Variants in DNAAF11 observed in about 807,000 individuals in gnomAD.
DNAAF11 encodes the protein leucine rich repeat containing 6.
A neutral mutation model predicts 60.8 loss-of-function variants in DNAAF11; 45 were observed. The observed-to-expected ratio is 0.74, with a 90% CI of 0.58 to 0.95. The LOEUF (loss-of-function observed/expected upper bound fraction) is 0.95. Ranked by LOEUF, DNAAF11 falls within the 40% of genes least tolerant of loss-of-function variation. DNAAF11 has a pLI of 0.00. For synonymous variants in DNAAF11, 191 were observed against 183.5 expected, an observed-to-expected ratio of 1.04 and a Z score of -0.33; for missense variants, 546 against 546.2, an observed-to-expected ratio of 1.00 and a Z score of 0.00.
At chr8:132,691,475 A>T in the DNAAF11 span, among the ~76,000 whole-genome samples, 1 of 152,236 alleles carries the variant, frequency 6.6e-6, no homozygotes, top group African/African-American at 2.4e-5. Context: ...TCATTGGAGA[A>T]TGGTATTGGA....
chr8:132,683,115 C>G, the DNAAF11 span, among the ~76,000 whole-genome samples: 6 of 152,164 alleles, frequency 3.9e-5, no homozygotes, highest in African/African-American at 1.4e-4. Context: ...GGTATTTGAG[C>G]TTTGATTTAG....
intron 8 of DNAAF11, among the ~76,000 whole-genome samples, chr8:132,611,737 C>T (rs1044792480): frequency 2.6e-5 from 4 of 152,242 alleles, no homozygotes; most frequent in Non-Finnish European, 4.4e-5. Context: ...CCTGCAACCA[C>T]CAGCTCCTGC....
At chr8:132,639,105 A>G (rs1485560609) in intron 3 of DNAAF11, among the ~76,000 whole-genome samples, 2 of 152,366 alleles carry the variant, frequency 1.3e-5, no homozygotes, top group Admixed American at 1.3e-4. Context: ...CTATGATTAG[A>G]ATAGCTCAAT....
At chr8:132,699,989 T>TA in the DNAAF11 span, among the ~76,000 whole-genome samples, 1 of 152,148 alleles carries the variant, frequency 6.6e-6, no homozygotes, top group Non-Finnish European at 1.5e-5. Context: ...CTCTTCAGGT[T>TA]ACAAAAATGT....
At chr8:132,681,097 A>G in the DNAAF11 span, among the ~76,000 whole-genome samples, 1 of 132,676 alleles carries the variant, frequency 7.5e-6, no homozygotes, top group South Asian at 2.4e-4. Context: ...TGGAACCTCC[A>G]CTTTCTGGGT....
At chr8:132,669,469 A>G (rs556850842) in intron 1 of DNAAF11, among the ~76,000 whole-genome samples, 1 of 152,348 alleles carries the variant, frequency 6.6e-6, no homozygotes, top group Non-Finnish European at 1.5e-5. Flanking sequence ...CAGGTGTTAG[A>G]GAAATGTGAG....
At chr8:132,679,929 A>G (rs1263796040), upstream of DNAAF11, among the ~76,000 whole-genome samples, 1 of 152,182 alleles carries the variant, frequency 6.6e-6, no homozygotes, top group Non-Finnish European at 1.5e-5. Context: ...GCAGCATGAA[A>G]ACAGAATAAT....
upstream of DNAAF11, among the ~76,000 whole-genome samples, chr8:132,678,967 C>T (rs1310247007): frequency 1.3e-5 from 2 of 152,056 alleles, no homozygotes; most frequent in African/African-American, 4.8e-5. Context: ...GGCTGTCATT[C>T]TACTGGAGAA....
intron 2 of DNAAF11, among the ~76,000 whole-genome samples, chr8:132,658,608 A>AC (rs532455359): frequency 1.7e-3 from 266 of 152,294 alleles, no homozygotes; most frequent in African/African-American, 6.3e-3. Context: ...GGCATGAGCC[A>AC]CCGCTCCCAG....
chr8:132,579,129 A>G lies in DNAAF11; in HGVS notation c.1226+4565T>C, dbSNP rs78385333. Among the ~76,000 whole-genome samples the G allele has an allele frequency of 3.4e-4, 52 of 152,294 alleles. 1 individual carries two copies. The East Asian group carries it at 0.01, about 29-fold the overall frequency. ...TGAATTTAGATGAAAGTGGTTCCAA[A>G]TTGGCAGTGTTTTTCTCTGCAGCAC... On this transcript the variant is annotated intron_variant, in intron 11 of 11. Coordinates refer to ENST00000620350, the MANE Select transcript of DNAAF11 (RefSeq NM_012472.6).
At chr8:132,674,001 AAGGAGAAGGAGAAGG>A (rs1406666490) in intron 1 of DNAAF11, among the ~76,000 whole-genome samples, 2 of 151,290 alleles carry the variant, frequency 1.3e-5, no homozygotes, top group East Asian at 3.9e-4. Flanking sequence ...AGCGAAGAAG[AAGGAGAAGGAGAAGG>A]AGGAGAAGGA....
upstream of DNAAF11, among the ~76,000 whole-genome samples, chr8:132,677,575 A>G (rs771761168): frequency 1.3e-5 from 2 of 152,044 alleles, no homozygotes; most frequent in Non-Finnish European, 2.9e-5. Context: ...TCTCAGACCT[A>G]CTCACTGTTG....
chr8:132,592,565 ATTCTAAAGATGAGAGGGTCCCC>A (rs1816579382), intron 10 of DNAAF11, among the ~76,000 whole-genome samples: 1 of 152,188 alleles, frequency 6.6e-6, no homozygotes. Flanking sequence ...TTAGGACTTT[ATTCTAAAGATGAGAGGGTCCCC>A]ACTAACAGGC....
chr8:132,593,728 A>T (rs558042464), intron 10 of DNAAF11, among the ~76,000 whole-genome samples: 7 of 152,226 alleles, frequency 4.6e-5, no homozygotes, highest in African/African-American at 1.7e-4. Context: ...ATGGAAAAAA[A>T]CACAGGCCTA....
chr8:132,612,560 C>T (rs1202511012), intron 8 of DNAAF11, among the ~76,000 whole-genome samples: 1 of 152,146 alleles, frequency 6.6e-6, no homozygotes, highest in Non-Finnish European at 1.5e-5. Context: ...CATCCCTGAA[C>T]ACTGTCCCTC....
intron 6 of DNAAF11, among the ~76,000 whole-genome samples, chr8:132,624,911 A>G (rs1279927291): frequency 6.6e-6 from 1 of 152,216 alleles, no homozygotes; most frequent in Non-Finnish European, 1.5e-5. Flanking sequence ...GCAAATTAAT[A>G]GAACAGACTC....
intron 3 of DNAAF11, among the ~76,000 whole-genome samples, chr8:132,642,584 C>T (rs1821963682): frequency 6.6e-6 from 1 of 152,164 alleles, no homozygotes; most frequent in South Asian, 2.1e-4. Flanking sequence ...GCTACCTTGA[C>T]TCCACCACGC....
At chr8:132,637,112 C>T (rs184513216) in intron 4 of DNAAF11, among the ~76,000 whole-genome samples, 4 of 152,230 alleles carry the variant, frequency 2.6e-5, no homozygotes, top group African/African-American at 7.2e-5. Context: ...TAAAATTACT[C>T]GATTGGGGGG....
At chr8:132,674,328 A>G (rs935232239) in intron 1 of DNAAF11, among the ~76,000 whole-genome samples, 2 of 152,146 alleles carry the variant, frequency 1.3e-5, no homozygotes, top group African/African-American at 2.4e-5. Context: ...AGGAGTTTCA[A>G]CATTTACAAA....
Sources: gnomAD v4.1 joint callset for allele counts (sites outside exome capture counted in the v4.1 genomes callset) on GRCh38, gnomAD v4.1.1 for gene constraint, MANE v1.5 for transcripts, NCBI Gene and HGNC (gene_info 2026-07-23, HGNC 2026-07-21) for gene names.